GABRG3: variants seen among roughly 807,000 people sequenced by gnomAD.
The protein encoded by GABRG3 is gamma-aminobutyric acid receptor subunit gamma-3.
Under a neutral mutation model 48.8 loss-of-function variants are expected in GABRG3, and 25 were observed. That is an observed-to-expected ratio of 0.51 (90% CI 0.37 to 0.72). The LOEUF is 0.72. Ranked by LOEUF, GABRG3 falls within the 30% of genes least tolerant of loss-of-function variation. GABRG3 has a pLI of 0.00. For synonymous variants in GABRG3, 227 were observed against 217.6 expected, an observed-to-expected ratio of 1.04 and a Z score of -0.38; for missense variants, 394 against 577.9, an observed-to-expected ratio of 0.68 and a Z score of 3.26.
At chr15:27,378,444 G>T (rs1282997199) in intron 5 of GABRG3, among the ~76,000 whole-genome samples, 1 of 152,188 alleles carries the variant, frequency 6.6e-6, no homozygotes, top group East Asian at 1.9e-4. Context: ...AGTGGGCAAT[G>T]GTGAATAATA....
intron 3 of GABRG3, among the ~76,000 whole-genome samples, chr15:27,224,089 C>T (rs1046783713): frequency 2.0e-5 from 3 of 152,122 alleles, no homozygotes; most frequent in East Asian, 1.9e-4. Context: ...AGGTGATGTA[C>T]GTGGAAGCCG....
intron 2 of GABRG3, among the ~76,000 whole-genome samples, chr15:26,986,231 C>T (rs577627276): frequency 1.3e-5 from 2 of 152,296 alleles, no homozygotes; most frequent in African/African-American, 4.8e-5. Context: ...ACTCCACTCT[C>T]GGAACAGATG....
At chr15:27,185,161 C>A (rs190299280) in intron 3 of GABRG3, among the ~76,000 whole-genome samples, 215 of 152,116 alleles carry the variant, frequency 1.4e-3, no homozygotes, top group Non-Finnish European at 2.1e-3. Context: ...CTAATATAAG[C>A]CTTTACAGCT....
At chr15:27,225,848 G>A (rs573477926) in intron 3 of GABRG3, among the ~76,000 whole-genome samples, 2 of 152,218 alleles carry the variant, frequency 1.3e-5, no homozygotes, top group East Asian at 3.9e-4. Context: ...CAGATGGAGA[G>A]GGAGCCCTAA....
rs116300428 is a variant in GABRG3, at chr15:27,179,608, C to G, written c.271-147201C>G. Among the ~76,000 whole-genome samples, 1,949 of 152,286 alleles carry G rather than the reference C, an allele frequency of 0.013. 46 individuals are homozygous for G. Among genetic ancestry groups the G allele is most frequent in the African/African-American group, 0.044 (1,844 of 41,538 alleles). ...AGTTTCAAATTGTTCAGAATTCACT[C>G]ATTTCCAGACTACAAAGATGCACAG... On this transcript the variant is annotated intron_variant, in intron 3 of 9. Coordinates refer to ENST00000615808, the MANE Select transcript of GABRG3 (RefSeq NM_033223.5). The surrounding 1 kb of genome is among the most constrained non-coding windows in gnomAD (Gnocchi z 4.0).
At chr15:27,529,890 A>T (rs74581835) in intron 9 of GABRG3, among the ~76,000 whole-genome samples, 7 of 133,654 alleles carry the variant, frequency 5.2e-5, no homozygotes, top group Admixed American at 7.4e-5. Context: ...GCAGAAAATT[A>T]AAAAAAAAAA....
intron 2 of GABRG3, among the ~76,000 whole-genome samples, chr15:27,019,674 A>G (rs1895851902): frequency 6.6e-6 from 1 of 152,044 alleles, no homozygotes; most frequent in Non-Finnish European, 1.5e-5. Flanking sequence ...CTAATACATC[A>G]TTGTGTTCAG....
intron 3 of GABRG3, among the ~76,000 whole-genome samples, chr15:27,087,964 AGT>A (rs926682911): frequency 4.1e-5 from 5 of 122,162 alleles, no homozygotes; most frequent in African/African-American, 9.7e-5. Context: ...TGTGCTGTGG[AGT>A]GTGTGTGTGC....
At chr15:27,100,394 A>C (rs1051536864) in intron 3 of GABRG3, among the ~76,000 whole-genome samples, 6 of 152,214 alleles carry the variant, frequency 3.9e-5, no homozygotes, top group African/African-American at 1.4e-4. Context: ...GAATTTTACC[A>C]GTCAGCTAAA....
chr15:27,361,920 A>C (rs569231922), intron 5 of GABRG3, among the ~76,000 whole-genome samples: 2 of 152,314 alleles, frequency 1.3e-5, no homozygotes, highest in African/African-American at 4.8e-5. Flanking sequence ...GATGTTCAAT[A>C]GTCCCTTTAA....
At chr15:27,522,153 ATGAC>A (rs1239795866) in intron 7 of GABRG3, among the ~76,000 whole-genome samples, 2 of 152,014 alleles carry the variant, frequency 1.3e-5, no homozygotes, top group African/African-American at 4.8e-5. Context: ...GAGCAAAAAT[ATGAC>A]TGACTGATTC....
At chr15:27,105,608 A>G (rs1357822506) in intron 3 of GABRG3, among the ~76,000 whole-genome samples, 1 of 152,178 alleles carries the variant, frequency 6.6e-6, no homozygotes, top group Non-Finnish European at 1.5e-5. Flanking sequence ...ACGTTTTAGG[A>G]TGGCGGTTAT....
intron 3 of GABRG3, among the ~76,000 whole-genome samples, chr15:27,040,158 G>A (rs1896250885): frequency 1.3e-5 from 2 of 152,264 alleles, no homozygotes; most frequent in Non-Finnish European, 2.9e-5. Flanking sequence ...GCAGGTGGGG[G>A]TCCAGAGGAC....
At chr15:27,495,450 T>C (rs1433401631) in intron 6 of GABRG3, among the ~76,000 whole-genome samples, 1 of 152,242 alleles carries the variant, frequency 6.6e-6, no homozygotes. Flanking sequence ...AATATCTCTT[T>C]GAGATCCTGA....
intron 3 of GABRG3, among the ~76,000 whole-genome samples, chr15:27,231,851 CAT>C (rs533944678): frequency 5.4e-4 from 82 of 152,062 alleles, no homozygotes; most frequent in Non-Finnish European, 1.2e-3. Context: ...CGTTGTGAAA[CAT>C]ATTAAATTTT....
intron 3 of GABRG3, among the ~76,000 whole-genome samples, chr15:27,277,114 G>A (rs1314106061): frequency 6.6e-6 from 1 of 152,244 alleles, no homozygotes; most frequent in African/African-American, 2.4e-5. Flanking sequence ...AGGGAAGGAG[G>A]AGAGAATCTG....
chr15:27,057,310 T>G, intron 3 of GABRG3, among the ~76,000 whole-genome samples: 1 of 152,138 alleles, frequency 6.6e-6, no homozygotes, highest in East Asian at 1.9e-4. Context: ...AGAACATAAT[T>G]TTTATGGGAT....
chr15:27,307,217 A>G (rs1349713459), intron 3 of GABRG3, among the ~76,000 whole-genome samples: 1 of 138,026 alleles, frequency 7.2e-6, no homozygotes, highest in Non-Finnish European at 1.6e-5. Flanking sequence ...ATGTTTATAT[A>G]TAACCATGTT....
chr15:27,045,191 C>G (rs1296147196), intron 3 of GABRG3, among the ~76,000 whole-genome samples: 2 of 152,284 alleles, frequency 1.3e-5, no homozygotes, highest in East Asian at 3.9e-4. Context: ...TAGATCAGAC[C>G]TATTGGAGAA....
Sources: allele counts gnomAD v4.1 joint callset (sites outside exome capture counted in the v4.1 genomes callset), GRCh38; gene constraint gnomAD v4.1.1; non-coding constraint Gnocchi (gnomAD v3.1); transcripts MANE v1.5; gene names NCBI Gene and HGNC (gene_info 2026-07-23, HGNC 2026-07-21).